The following SFRP1 variants were observed in gnomAD, a reference collection of about 807,000 sequenced individuals.
SFRP1 encodes secreted frizzled related protein 1.
A neutral mutation model predicts 25.9 loss-of-function variants in SFRP1; 9 were observed. That is an observed-to-expected ratio of 0.35 (90% CI 0.21 to 0.61). The LOEUF is 0.61. SFRP1 is among the 20% of genes least tolerant of loss of function. The pLI is 0.78. For missense variants in SFRP1, 346 were observed against 418.2 expected, an observed-to-expected ratio of 0.83 and a Z score of 1.51; for synonymous variants, 178 against 174.0, an observed-to-expected ratio of 1.02 and a Z score of -0.18.
chr8:41,291,233 TA>T (rs1405516747), intron 2 of SFRP1, among the ~76,000 whole-genome samples: 1 of 151,962 alleles, frequency 6.6e-6, no homozygotes. Flanking sequence ...TTTAAAGATA[TA>T]AGACAGTCAT....
chr8:41,294,354 A>G (rs1803814387), intron 2 of SFRP1, among the ~76,000 whole-genome samples: 1 of 152,212 alleles, frequency 6.6e-6, no homozygotes, highest in South Asian at 2.1e-4. Flanking sequence ...GAAAATTTTC[A>G]AAGAGCTCAC....
At chr8:41,267,539 G>C (rs1024972186) in intron 2 of SFRP1, among the ~76,000 whole-genome samples, 2 of 152,096 alleles carry the variant, frequency 1.3e-5, no homozygotes, top group East Asian at 3.8e-4. Context: ...ATGATGCAAG[G>C]CTTCCACCCA....
At chr8:41,275,284 G>T (rs1803557692) in intron 2 of SFRP1, 1 of 387,520 alleles carries the variant, frequency 2.6e-6, no homozygotes, top group African/African-American at 2.3e-5. Context: ...CTAGCCATCT[G>T]GGATGACGGG....
At chr8:41,267,609 C>T (rs1280151647) in intron 2 of SFRP1, among the ~76,000 whole-genome samples, 2 of 152,198 alleles carry the variant, frequency 1.3e-5, no homozygotes, top group Non-Finnish European at 2.9e-5. Flanking sequence ...ATTATGAAAG[C>T]ATGTGACCTG....
At chr8:41,290,712 C>T (rs1803765125) in intron 2 of SFRP1, among the ~76,000 whole-genome samples, 2 of 152,034 alleles carry the variant, frequency 1.3e-5, no homozygotes, top group African/African-American at 4.8e-5. Context: ...ACCCAACAGG[C>T]ACCACCCTGA....
intron 1 of SFRP1, among the ~76,000 whole-genome samples, chr8:41,304,060 C>T (rs370547027): frequency 6.6e-6 from 1 of 152,122 alleles, no homozygotes. Flanking sequence ...CCCCTGAACA[C>T]CTCCTCTCCA....
intron 2 of SFRP1, among the ~76,000 whole-genome samples, chr8:41,300,219 TC>T (rs749205074): frequency 1.3e-5 from 2 of 152,224 alleles, no homozygotes; most frequent in Non-Finnish European, 2.9e-5. Context: ...TAGGAAATAC[TC>T]CCTAATGCTA....
chr8:41,275,045 C>T (rs1803554725), intron 2 of SFRP1: 7 of 271,076 alleles, frequency 2.6e-5, no homozygotes, highest in South Asian at 1.1e-4. Flanking sequence ...GGAGGCAGTC[C>T]ACTGATTTAG....
intron 2 of SFRP1, among the ~76,000 whole-genome samples, chr8:41,291,130 G>A (rs775202419): frequency 6.6e-5 from 10 of 151,400 alleles, no homozygotes; most frequent in Non-Finnish European, 1.3e-4. Flanking sequence ...GGACGGTCTC[G>A]ATCTCCGGAC....
chr8:41,285,657 G>C (rs939786237), intron 2 of SFRP1, among the ~76,000 whole-genome samples: 1 of 152,146 alleles, frequency 6.6e-6, no homozygotes, highest in Non-Finnish European at 1.5e-5. Context: ...TACAACAGCA[G>C]GGCTGTGGCC....
intron 2 of SFRP1, among the ~76,000 whole-genome samples, chr8:41,293,987 C>T (rs1437524728): frequency 6.6e-6 from 1 of 151,684 alleles, no homozygotes; most frequent in East Asian, 1.9e-4. Context: ...ATCTTCCTGC[C>T]TCAGCCTCCC....
At chr8:41,299,154 A>G (rs1404932184) in intron 2 of SFRP1, among the ~76,000 whole-genome samples, 1 of 148,302 alleles carries the variant, frequency 6.7e-6, no homozygotes, top group Non-Finnish European at 1.5e-5. Context: ...ACAGGCTCTC[A>G]GCTGGGACTC....
intron 1 of SFRP1, 51 bp downstream of exon 1, chr8:41,308,565 G>A (rs547643961): frequency 2.1e-6 from 3 of 1,441,322 alleles, no homozygotes; most frequent in Non-Finnish European, 1.9e-6. Flanking sequence ...CTGCAGCTCC[G>A]GCCGGGGGAT....
intron 2 of SFRP1, among the ~76,000 whole-genome samples, chr8:41,293,792 A>G (rs1467399370): frequency 6.6e-6 from 1 of 152,150 alleles, no homozygotes; most frequent in Non-Finnish European, 1.5e-5. Context: ...GTTTTGAGAC[A>G]AGGTCTTGCC....
chr8:41,309,299 G>T lies in SFRP1; in HGVS notation c.-140C>A. ...TTGCCCGGCTCCGCGGCCGCAAGCT[G>T]CTGCCCGGTCCCCCCGGCCAGTGGC... is the stretch of plus-strand genomic sequence containing the variant. On this transcript the variant is annotated 5_prime_UTR_variant, in exon 1 of 3. Transcript: ENST00000220772. 2 of 1,034,192 alleles carry T rather than the reference G, an allele frequency of 1.9e-6. No individual in the cohort carries two copies. Among genetic ancestry groups the T allele is most frequent in the Non-Finnish European group, 2.4e-6 (2 of 818,376 alleles). The allele number at this position is 1,034,192 out of a possible 1,614,324, so 64.1% of individuals were successfully genotyped here.
At chr8:41,303,160 G>C (rs1478653140) in intron 2 of SFRP1, among the ~76,000 whole-genome samples, 1 of 151,522 alleles carries the variant, frequency 6.6e-6, no homozygotes, top group Non-Finnish European at 1.5e-5. Flanking sequence ...AGGAGCTGCT[G>C]TCCTTCCCTG....
chr8:41,269,111 C>T (rs1289747581), intron 2 of SFRP1, among the ~76,000 whole-genome samples: 2 of 152,218 alleles, frequency 1.3e-5, no homozygotes, highest in African/African-American at 4.8e-5. Context: ...CCAGCACTAT[C>T]CCCACCCTGT....
chr8:41,300,723 G>A lies in SFRP1; in HGVS notation c.622+2738C>T, dbSNP rs529541669. Among the ~76,000 whole-genome samples, 286 of 152,314 alleles carry A rather than the reference G, an allele frequency of 1.9e-3. 1 individual carries two copies. Among genetic ancestry groups the A allele is most frequent in the African/African-American group, 6.5e-3 (271 of 41,566 alleles). ...TACTATATTGGGCTATTTAAGAGGC[G>A]AGAGTGGCACCCTGTTGTCACAGAG... On this transcript the variant is annotated intron_variant, in intron 2 of 2. Coordinates refer to ENST00000220772, the MANE Select transcript of SFRP1 (RefSeq NM_003012.5).
intron 2 of SFRP1, among the ~76,000 whole-genome samples, chr8:41,298,837 GCAGCACC>G (rs1803875432): frequency 6.6e-6 from 1 of 152,066 alleles, no homozygotes; most frequent in African/African-American, 2.4e-5. Context: ...GGTGAGCAAC[GCAGCACC>G]CAAAGAAATG....
Sources: allele counts gnomAD v4.1 joint callset (sites outside exome capture counted in the v4.1 genomes callset), GRCh38; gene constraint gnomAD v4.1.1; transcripts MANE v1.5; gene names NCBI Gene and HGNC (gene_info 2026-07-23, HGNC 2026-07-21).